NTM: variants seen among roughly 807,000 people sequenced by gnomAD.
The protein encoded by NTM is IgLON family member 2.
A neutral mutation model predicts 42.1 loss-of-function variants in NTM; 13 were observed. The observed-to-expected ratio is 0.31, with a 90% CI of 0.20 to 0.49. The LOEUF (loss-of-function observed/expected upper bound fraction) is 0.49. NTM is among the 20% of genes least tolerant of loss of function. The pLI is 0.99. For missense variants in NTM, 373 were observed against 452.8 expected, an observed-to-expected ratio of 0.82 and a Z score of 1.60; for synonymous variants, 187 against 179.2, an observed-to-expected ratio of 1.04 and a Z score of -0.35.
intron 6 of NTM, among the ~76,000 whole-genome samples, chr11:132,313,390 C>A (rs1359880726): frequency 6.6e-6 from 1 of 152,058 alleles, no homozygotes; most frequent in Non-Finnish European, 1.5e-5. Flanking sequence ...CTGCTTGCTA[C>A]AAGCTGTGCT....
intron 2 of NTM, among the ~76,000 whole-genome samples, chr11:132,005,163 C>G (rs1273080537): frequency 6.6e-6 from 1 of 152,110 alleles, no homozygotes; most frequent in Non-Finnish European, 1.5e-5. Flanking sequence ...AAATATCACT[C>G]TCCAGGTCCC....
chr11:131,420,050 G>A (rs920996135), intron 1 of NTM, among the ~76,000 whole-genome samples: 5 of 152,152 alleles, frequency 3.3e-5, no homozygotes, highest in East Asian at 3.9e-4. Flanking sequence ...GCTCAATGGC[G>A]TTTCACGAGT....
At chr11:131,391,633 C>A (rs1591539817) in intron 1 of NTM, among the ~76,000 whole-genome samples, 15 of 72,034 alleles carry the variant, frequency 2.1e-4, no homozygotes, top group South Asian at 9.6e-4. Context: ...AGTCAAATGA[C>A]TTTTATCTGG....
At chr11:132,328,513 CTT>C (rs2095733489) in intron 7 of NTM, among the ~76,000 whole-genome samples, 1 of 152,052 alleles carries the variant, frequency 6.6e-6, no homozygotes, top group Admixed American at 6.5e-5. Flanking sequence ...TAGAAAACCT[CTT>C]TTATTTTCAG....
chr11:132,043,387 A>T (rs993858213), intron 2 of NTM, among the ~76,000 whole-genome samples: 1 of 152,238 alleles, frequency 6.6e-6, no homozygotes, highest in African/African-American at 2.4e-5. Context: ...AATGTGAGCC[A>T]TGTGCATTTC....
chr11:132,095,383 G>A (rs1012562552), intron 2 of NTM, among the ~76,000 whole-genome samples: 20 of 151,900 alleles, frequency 1.3e-4, no homozygotes, highest in African/African-American at 2.7e-4. Context: ...CACTGTCTCC[G>A]CCAAGGCTCT....
At chr11:132,309,548 G>A (rs2095214746) in intron 5 of NTM, among the ~76,000 whole-genome samples, 2 of 152,140 alleles carry the variant, frequency 1.3e-5, no homozygotes, top group South Asian at 2.1e-4. Flanking sequence ...AAGTTAAAAA[G>A]TTTAAACAGA....
chr11:131,794,005 G>A (rs745320277), intron 1 of NTM, among the ~76,000 whole-genome samples: 4 of 152,220 alleles, frequency 2.6e-5, no homozygotes, highest in East Asian at 1.9e-4. Flanking sequence ...TTTCTAAGCC[G>A]AGACTGTGGG....
intron 2 of NTM, among the ~76,000 whole-genome samples, chr11:131,948,989 TC>T (rs1354184190): frequency 6.6e-6 from 1 of 152,146 alleles, no homozygotes; most frequent in African/African-American, 2.4e-5. Flanking sequence ...TCCACGTTTC[TC>T]CCTCCCTCCA....
intron 1 of NTM, among the ~76,000 whole-genome samples, chr11:131,648,638 T>C (rs1423288685): frequency 6.6e-6 from 1 of 152,250 alleles, no homozygotes; most frequent in Non-Finnish European, 1.5e-5. Flanking sequence ...CTGCGACAAG[T>C]ACAGCTTCAG....
At chr11:131,982,955 G>C (rs1394472789) in intron 2 of NTM, among the ~76,000 whole-genome samples, 3 of 152,206 alleles carry the variant, frequency 2.0e-5, no homozygotes, top group Non-Finnish European at 4.4e-5. Flanking sequence ...TCAGCAGTTG[G>C]GGAGAGGAGG....
chr11:131,559,467 A>AG (rs1383830804), intron 1 of NTM, among the ~76,000 whole-genome samples: 1 of 152,188 alleles, frequency 6.6e-6, no homozygotes, highest in Non-Finnish European at 1.5e-5. Flanking sequence ...CATCAGGAAA[A>AG]GCTAGGTATA....
At chr11:131,451,776 AG>A (rs947030582) in intron 1 of NTM, among the ~76,000 whole-genome samples, 15 of 152,074 alleles carry the variant, frequency 9.9e-5, no homozygotes, top group African/African-American at 3.6e-4. Flanking sequence ...GGGGTCCCCC[AG>A]GGCTTGGAGA....
At chr11:131,750,838 C>A (rs2082399984) in intron 1 of NTM, among the ~76,000 whole-genome samples, 1 of 152,150 alleles carries the variant, frequency 6.6e-6, no homozygotes, top group Admixed American at 6.5e-5. Context: ...ATCCTAAGCG[C>A]TTCCCAGGCC....
chr11:131,423,525 A>G (rs1244647673), intron 1 of NTM, among the ~76,000 whole-genome samples: 1 of 152,138 alleles, frequency 6.6e-6, no homozygotes. Flanking sequence ...TGTGTAGTTC[A>G]TTTATTCATT....
chr11:131,818,380 A>C (rs577740052), intron 1 of NTM, among the ~76,000 whole-genome samples: 1 of 152,272 alleles, frequency 6.6e-6, no homozygotes, highest in East Asian at 1.9e-4. Flanking sequence ...TAAAATCTCA[A>C]CAGGTGCAAA....
intron 1 of NTM, among the ~76,000 whole-genome samples, chr11:131,546,969 C>T (rs1565625094): frequency 6.6e-6 from 1 of 152,156 alleles, no homozygotes; most frequent in African/African-American, 2.4e-5. Context: ...CCTCCCTTTC[C>T]ATCATGCCTC....
intron 3 of NTM, among the ~76,000 whole-genome samples, chr11:132,200,794 G>T (rs1027161996): frequency 1.3e-5 from 2 of 152,156 alleles, no homozygotes; most frequent in Non-Finnish European, 2.9e-5. Flanking sequence ...GAGTGAGGCA[G>T]CCTAGGAGAG....
At chr11:131,990,936 A>C (rs1395404159) in intron 2 of NTM, among the ~76,000 whole-genome samples, 1 of 152,128 alleles carries the variant, frequency 6.6e-6, no homozygotes, top group Non-Finnish European at 1.5e-5. Flanking sequence ...GAGTTACCTG[A>C]TAAATTACTT....
Sources: gnomAD v4.1 joint callset for allele counts (sites outside exome capture counted in the v4.1 genomes callset) on GRCh38, gnomAD v4.1.1 for gene constraint, MANE v1.5 for transcripts, NCBI Gene and HGNC (gene_info 2026-07-23, HGNC 2026-07-21) for gene names.